Variants in MTF1 observed in about 807,000 individuals in gnomAD.
The protein encoded by MTF1 is MRE-binding transcription factor.
A neutral mutation model predicts 70.4 loss-of-function variants in MTF1; 22 were observed. That is an observed-to-expected ratio of 0.31 (90% CI 0.22 to 0.45). The LOEUF (loss-of-function observed/expected upper bound fraction) is 0.45. Ranked by LOEUF, MTF1 falls within the 20% of genes least tolerant of loss-of-function variation. The probability of loss-of-function intolerance (pLI) is 1.00; values close to 1 mark genes in which losing one functional copy is unlikely to be tolerated. For missense variants in MTF1, 649 were observed against 922.0 expected, an observed-to-expected ratio of 0.70 and a Z score of 3.83; for synonymous variants, 333 against 352.8, an observed-to-expected ratio of 0.94 and a Z score of 0.63.
rs1640811371 is a variant in MTF1, at chr1:37,815,830, T to G, written c.1832-264A>C. ...ATGCACCCTGTATTTCCAGCTTCATTTCCAGTCATTCTCCATTGCACCCTC... is the reference window on the plus strand; with the variant it reads ...ATGCACCCTGTATTTCCAGCTTCATGTCCAGTCATTCTCCATTGCACCCTC... On this transcript the variant is annotated intron_variant, in intron 10 of 10. Coordinates refer to ENST00000373036, the MANE Select transcript of MTF1 (RefSeq NM_005955.3). The surrounding 1 kb of genome is among the most constrained non-coding windows in gnomAD (Gnocchi z 4.5). Among the ~76,000 whole-genome samples the G allele has an allele frequency of 6.6e-6, 1 of 152,162 alleles. No homozygotes were observed. The highest frequency in any genetic ancestry group is 2.4e-5 in the African/African-American group (1 of 41,430).
At chr1:37,831,115 G>A (rs1203944698) in intron 7 of MTF1, among the ~76,000 whole-genome samples, 1 of 152,136 alleles carries the variant, frequency 6.6e-6, no homozygotes, top group Non-Finnish European at 1.5e-5. Flanking sequence ...TTCTTCCAAG[G>A]TTACCTCTGC....
intron 7 of MTF1, 141 bp downstream of exon 7, chr1:37,832,104 G>GA (rs1330456314): frequency 2.2e-5 from 13 of 594,182 alleles, no homozygotes; most frequent in South Asian, 6.8e-5. Flanking sequence ...ATCAGAAGAA[G>GA]AAAAAATCCT....
In MTF1 at chr1:37,837,793, G is replaced by A. The variant is rs578089028; in HGVS notation, c.779+832C>T. ...ATTGCTGGAATTACAGGCATGAGCC[G>A]CCATGCCCGGCCTCAAAGACATTGT... On this transcript the variant is annotated intron_variant, in intron 4 of 10. Coordinates refer to ENST00000373036, the MANE Select transcript of MTF1 (RefSeq NM_005955.3). Among the ~76,000 whole-genome samples the A allele has an allele frequency of 1.1e-4, 17 of 152,254 alleles. No individual in the cohort carries two copies. The South Asian group carries it at 2.9e-3, about 26-fold the overall frequency.
At chr1:37,830,026 C>G (rs969710178) in intron 7 of MTF1, among the ~76,000 whole-genome samples, 36 of 151,994 alleles carry the variant, frequency 2.4e-4, no homozygotes, top group African/African-American at 8.2e-4. Context: ...TCCTGGTGAC[C>G]CTAGGGCTCC....
intron 2 of MTF1, chr1:37,841,130 A>AT: frequency 6.2e-6 from 1 of 162,460 alleles, no homozygotes; most frequent in South Asian, 1.5e-4. Flanking sequence ...GCTTTTGAAG[A>AT]CTACACCTCT....
chr1:37,828,868 G>A (rs1265687405), intron 7 of MTF1, among the ~76,000 whole-genome samples: 1 of 152,178 alleles, frequency 6.6e-6, no homozygotes, highest in Non-Finnish European at 1.5e-5. Flanking sequence ...GGAGCAAGGA[G>A]CAAAGAGCAA....
rs781362290 is a variant in MTF1, at chr1:37,814,811, C to G, written c.*325G>C. 1 of 272,298 alleles carries G rather than the reference C, an allele frequency of 3.7e-6. No homozygotes were observed. Among genetic ancestry groups the G allele is most frequent in the Non-Finnish European group, 7.1e-6 (1 of 141,818 alleles). 16.9% of individuals were successfully genotyped at this position (272,298 alleles called of 1,614,324 possible). On this transcript the variant is annotated 3_prime_UTR_variant, in exon 11 of 11. Transcript: ENST00000373036. The stretch of plus-strand genomic sequence containing the variant: ...AGCATCAGATTGATGGAAACCACAC[C>G]CTTTCATTTAGAATTTTTATGCACA...
At chr1:37,857,112 A>T in intron 2 of MTF1, 139 bp downstream of exon 2, 1 of 734,504 alleles carries the variant, frequency 1.4e-6, no homozygotes. Context: ...ACAAAACCTG[A>T]GGCATATGTT....
At chr1:37,859,078 G>C (rs1641552749) in intron 1 of MTF1, among the ~76,000 whole-genome samples, 1 of 152,214 alleles carries the variant, frequency 6.6e-6, no homozygotes, top group South Asian at 2.1e-4. Context: ...CAACCCCACA[G>C]ATGTACATTT....
At chr1:37,837,871 C>T (rs1641194945) in intron 4 of MTF1, among the ~76,000 whole-genome samples, 1 of 152,168 alleles carries the variant, frequency 6.6e-6, no homozygotes, top group African/African-American at 2.4e-5. Flanking sequence ...AGGGGAAATC[C>T]TTACAAACTG....
chr1:37,858,936 C>A (rs1432456484), intron 1 of MTF1, among the ~76,000 whole-genome samples: 4 of 152,188 alleles, frequency 2.6e-5, no homozygotes, highest in East Asian at 1.9e-4. Context: ...TCTGGCTTTG[C>A]GCTTTATCTT....
At chr1:37,849,165 C>T (rs1641376705) in intron 2 of MTF1, among the ~76,000 whole-genome samples, 1 of 152,196 alleles carries the variant, frequency 6.6e-6, no homozygotes, top group Non-Finnish European at 1.5e-5. Context: ...GCAGCTCACA[C>T]CTGTAATCCC....
chr1:37,826,290 T>TC (rs1048915404), intron 7 of MTF1, among the ~76,000 whole-genome samples: 3 of 151,784 alleles, frequency 2.0e-5, no homozygotes, highest in Non-Finnish European at 4.4e-5. Context: ...ATTCTTCTTT[T>TC]CCCCCCCTTT....
intron 2 of MTF1, among the ~76,000 whole-genome samples, chr1:37,848,043 T>C (rs549367520): frequency 1.9e-4 from 29 of 152,196 alleles, no homozygotes; most frequent in Non-Finnish European, 3.7e-4. Flanking sequence ...TTCAGCTAAT[T>C]AGGGGTTACC....
Position 37,815,365 on chromosome 1 carries a change from A to G in MTF1, c.2033T>C (p.Phe678Ser), listed in dbSNP as rs974664771. The change falls in exon 11 of 11, where the codon TTC (phenylalanine) becomes TCC (serine). Residue 678 changes from phenylalanine to serine, a missense_variant. By Grantham distance (155) the Phe-to-Ser change is radical. Coordinates refer to ENST00000373036, the MANE Select transcript of MTF1 (RefSeq NM_005955.3). The surrounding 1 kb of genome is among the most constrained non-coding windows in gnomAD (Gnocchi z 4.5). Reference protein sequence around the residue: ...GPSLQLPAQTFSSAPVPGSSS... With the variant: ...GPSLQLPAQTSSSAPVPGSSS... ...TGACCCGGGAACAGGGGCTGAAGAG[A>G]AAGTCTGCGCTGGGAGCTGCAGGCT... 16 of 1,613,936 alleles carry G rather than the reference A, an allele frequency of 9.9e-6. No homozygotes were observed. The highest frequency in any genetic ancestry group is 1.6e-4 in the Middle Eastern group (1 of 6,084).
chr1:37,830,138 A>G (rs1230456853), intron 7 of MTF1, among the ~76,000 whole-genome samples: 1 of 152,220 alleles, frequency 6.6e-6, no homozygotes, highest in Non-Finnish European at 1.5e-5. Context: ...TAGAAATCTT[A>G]GGCTGGGTAG....
At chr1:37,834,954 T>G (rs184198452) in intron 6 of MTF1, 125 bp downstream of exon 6, 25 of 1,013,868 alleles carry the variant, frequency 2.5e-5, no homozygotes, top group Admixed American at 1.0e-4. Flanking sequence ...ACACTGATCT[T>G]GACCCTGACT....
intron 6 of MTF1, among the ~76,000 whole-genome samples, chr1:37,832,732 A>G (rs1641107976): frequency 1.3e-5 from 2 of 152,222 alleles, no homozygotes; most frequent in African/African-American, 4.8e-5. Flanking sequence ...AGAGGCTGAG[A>G]GTGGTGGCTC....
At chr1:37,842,661 G>A (rs374455588) in intron 2 of MTF1, among the ~76,000 whole-genome samples, 3 of 152,222 alleles carry the variant, frequency 2.0e-5, no homozygotes, top group Admixed American at 6.5e-5. Context: ...ATACTGATGC[G>A]GTAGAAGAAG....
Sources: allele counts gnomAD v4.1 joint callset (sites outside exome capture counted in the v4.1 genomes callset), GRCh38; gene constraint gnomAD v4.1.1; non-coding constraint Gnocchi (gnomAD v3.1); transcripts MANE v1.5; gene names NCBI Gene and HGNC (gene_info 2026-07-23, HGNC 2026-07-21).